Variants in QTMAN observed in about 807,000 individuals in gnomAD.
QTMAN encodes the protein tRNA-queuosine alpha-mannosyltransferase.
chr2:144,116,931 TG>T, the QTMAN span, among the ~76,000 whole-genome samples: 3 of 152,182 alleles, frequency 2.0e-5, no homozygotes, highest in Admixed American at 6.5e-5. Flanking sequence ...TTGAGGGTCC[TG>T]GGTTTTTGGG....
the QTMAN span, among the ~76,000 whole-genome samples, chr2:144,292,964 CA>C: frequency 6.6e-6 from 1 of 151,982 alleles, no homozygotes; most frequent in Non-Finnish European, 1.5e-5. Context: ...AATGTGGCAC[CA>C]AGCTACATAC....
At chr2:144,154,768 A>G in the QTMAN span, among the ~76,000 whole-genome samples, 1 of 152,322 alleles carries the variant, frequency 6.6e-6, no homozygotes, top group Admixed American at 6.5e-5. Flanking sequence ...AAGATAAATT[A>G]GATCTGCTGT....
At chr2:144,250,075 A>C in the QTMAN span, among the ~76,000 whole-genome samples, 1 of 152,166 alleles carries the variant, frequency 6.6e-6, no homozygotes, top group Admixed American at 6.5e-5. Context: ...TGGTGGTTGT[A>C]AAGCTGTATT....
At chr2:144,045,403 T>C in the QTMAN span, among the ~76,000 whole-genome samples, 1 of 152,254 alleles carries the variant, frequency 6.6e-6, no homozygotes, top group Admixed American at 6.5e-5. Flanking sequence ...ATAACCTGTT[T>C]AACACCACAC....
chr2:144,146,909 A>C, the QTMAN span, among the ~76,000 whole-genome samples: 1 of 151,990 alleles, frequency 6.6e-6, no homozygotes, highest in African/African-American at 2.4e-5. Flanking sequence ...TGGTCTTCTA[A>C]GGGCTCAAAC....
At chr2:144,166,223 C>T in the QTMAN span, among the ~76,000 whole-genome samples, 1 of 152,156 alleles carries the variant, frequency 6.6e-6, no homozygotes, top group African/African-American at 2.4e-5. Flanking sequence ...ATCTAATTTG[C>T]ATTGTATGCC....
chr2:144,181,513 T>C, the QTMAN span, among the ~76,000 whole-genome samples: 2 of 152,238 alleles, frequency 1.3e-5, no homozygotes, highest in East Asian at 3.9e-4. Flanking sequence ...TGGTAAGAAA[T>C]AATAATTTTA....
At chr2:143,989,743 G>A in the QTMAN span, among the ~76,000 whole-genome samples, 4 of 152,122 alleles carry the variant, frequency 2.6e-5, no homozygotes, top group African/African-American at 7.2e-5. Flanking sequence ...TTGACTAGAA[G>A]AGTGAGATGT....
chr2:144,167,042 C>A, the QTMAN span, among the ~76,000 whole-genome samples: 1 of 152,298 alleles, frequency 6.6e-6, no homozygotes, highest in Non-Finnish European at 1.5e-5. Context: ...TTTCATGAAT[C>A]TTTGTACATT....
chr2:144,232,536 T>C, the QTMAN span, among the ~76,000 whole-genome samples: 1 of 152,182 alleles, frequency 6.6e-6, no homozygotes, highest in South Asian at 2.1e-4. Context: ...ACATGAGTTT[T>C]TCTTCTCAAA....
chr2:144,111,020 A>C, the QTMAN span, among the ~76,000 whole-genome samples: 1 of 152,166 alleles, frequency 6.6e-6, no homozygotes, highest in African/African-American at 2.4e-5. Flanking sequence ...CTATTAATAT[A>C]GGAAAAGTGC....
At chr2:143,993,994 C>T in the QTMAN span, among the ~76,000 whole-genome samples, 1 of 152,188 alleles carries the variant, frequency 6.6e-6, no homozygotes, top group Non-Finnish European at 1.5e-5. Context: ...TCTTCCTGTA[C>T]TATGGGCTCC....
At chr2:144,206,312 A>C in the QTMAN span, among the ~76,000 whole-genome samples, 1 of 152,120 alleles carries the variant, frequency 6.6e-6, no homozygotes, top group Non-Finnish European at 1.5e-5. Context: ...GAAAGCAAAA[A>C]TTTTTCATAT....
the QTMAN span, among the ~76,000 whole-genome samples, chr2:144,266,126 G>C: frequency 1.3e-5 from 2 of 152,194 alleles, no homozygotes; most frequent in African/African-American, 4.8e-5. Flanking sequence ...TGAGGTCATT[G>C]TGAGAAGAGA....
At chr2:144,253,434 G>A in the QTMAN span, among the ~76,000 whole-genome samples, 2 of 152,190 alleles carry the variant, frequency 1.3e-5, no homozygotes, top group African/African-American at 4.8e-5. Flanking sequence ...GGGCTCAGAA[G>A]AAGACAGGAA....
At chr2:144,053,173 GA>G in the QTMAN span, among the ~76,000 whole-genome samples, 1 of 152,104 alleles carries the variant, frequency 6.6e-6, no homozygotes, top group Non-Finnish European at 1.5e-5. Context: ...AAGAGGAAAA[GA>G]AAACATTAAA....
At chr2:144,121,731 T>C in the QTMAN span, among the ~76,000 whole-genome samples, 1 of 152,236 alleles carries the variant, frequency 6.6e-6, no homozygotes, top group African/African-American at 2.4e-5. Flanking sequence ...AAGGAAATAT[T>C]TGCGGGGCTG....
At chr2:144,313,605 T>C in the QTMAN span, among the ~76,000 whole-genome samples, 1 of 152,160 alleles carries the variant, frequency 6.6e-6, no homozygotes, top group African/African-American at 2.4e-5. Flanking sequence ...TATATATACA[T>C]TTCATGAAGA....
chr2:143,950,130 T>C, the QTMAN span, among the ~76,000 whole-genome samples: 1 of 151,814 alleles, frequency 6.6e-6, no homozygotes, highest in South Asian at 2.1e-4. Context: ...TAAGCTCTTA[T>C]AAATGCTTTT....
Sources: allele counts gnomAD v4.1 joint callset (sites outside exome capture counted in the v4.1 genomes callset), GRCh38; gene constraint gnomAD v4.1.1; transcripts MANE v1.5; gene names NCBI Gene and HGNC (gene_info 2026-07-23, HGNC 2026-07-21).